Variants in PCBP3 observed in about 807,000 individuals in gnomAD.
The protein encoded by PCBP3 is poly(rC) binding protein 3, also known as poly(rC)-binding protein 3.
In PCBP3, 25 loss-of-function variants were observed where a neutral mutation model predicts 52.7. The ratio of observed to expected loss-of-function variants is 0.47; its 90% CI spans 0.35 to 0.66. The LOEUF (loss-of-function observed/expected upper bound fraction) is 0.66, where lower values mean the gene tolerates loss of function less well. PCBP3 is among the 30% of genes least tolerant of loss of function. The pLI, the probability that PCBP3 is intolerant of heterozygous loss-of-function variation, is 0.01. For missense variants in PCBP3, 391 were observed against 490.3 expected (o/e 0.80, Z 1.91); for synonymous variants, 162 against 183.0 (o/e 0.89, Z 0.93).
chr21:45,665,133 G>T (rs1000774616), intron 1 of PCBP3, among the ~76,000 whole-genome samples: 5 of 152,028 alleles, frequency 3.3e-5, no homozygotes, highest in Non-Finnish European at 7.4e-5. Context: ...GGGGTACAGT[G>T]GTTCATGCCT....
At chr21:45,748,729 G>C (rs1005445110) in intron 3 of PCBP3, among the ~76,000 whole-genome samples, 1 of 152,246 alleles carries the variant, frequency 6.6e-6, no homozygotes, top group Non-Finnish European at 1.5e-5. Context: ...GCGGTGAGCT[G>C]TTGTCATCGT....
At chr21:45,826,549 A>G (rs2093313794) in intron 4 of PCBP3, among the ~76,000 whole-genome samples, 1 of 152,204 alleles carries the variant, frequency 6.6e-6, no homozygotes, top group South Asian at 2.1e-4. Context: ...GGATGGAGTC[A>G]GGGTGCCTTC....
intron 4 of PCBP3, among the ~76,000 whole-genome samples, chr21:45,840,297 A>T (rs939061814): frequency 6.6e-6 from 1 of 151,398 alleles, no homozygotes. Flanking sequence ...CTAAAAAAAA[A>T]TTTTAAAAAA....
At chr21:45,659,088 TA>T (rs148190910) in intron 1 of PCBP3, among the ~76,000 whole-genome samples, 20,288 of 149,304 alleles carry the variant, frequency 0.14, 1,531 homozygotes, top group African/African-American at 0.18. Flanking sequence ...GGTCTTTTTT[TA>T]AAAAAAAAAC....
At chr21:45,743,438 C>G (rs1432283048) in intron 3 of PCBP3, among the ~76,000 whole-genome samples, 3 of 152,126 alleles carry the variant, frequency 2.0e-5, no homozygotes. Flanking sequence ...AAAAAAGTTG[C>G]ATTTCACTAA....
At position 45,724,403 on chromosome 21, in the gene PCBP3, T is replaced by C. The variant is rs2084878473; in HGVS notation, c.-199-10989T>C. 6.6e-6 allele frequency among the ~76,000 whole-genome samples: 1 copy of C among 151,442 alleles called. No homozygotes were observed. Among genetic ancestry groups the C allele is most frequent in the African/African-American group, 2.4e-5 (1 of 41,194 alleles). ...GGTGGTGCATGGGGGCTGCCCACAC[T>C]CCCTGCTGCTTTCTGCTCTCTGCTT... is the stretch of plus-strand genomic sequence containing the variant. On this transcript the variant is annotated intron_variant, in intron 2 of 17. Coordinates refer to ENST00000681687, the MANE Select transcript of PCBP3 (RefSeq NM_001384156.1). The surrounding 1 kb of genome is among the most constrained non-coding windows in gnomAD (Gnocchi z 5.3).
chr21:45,866,830 G>A (rs932057224), intron 5 of PCBP3, among the ~76,000 whole-genome samples: 14 of 140,702 alleles, frequency 1.0e-4, no homozygotes, highest in East Asian at 4.9e-4. Context: ...CCCCACCCCC[G>A]TCTGCATGTG....
intron 1 of PCBP3, among the ~76,000 whole-genome samples, chr21:45,666,749 G>A (rs1458368093): frequency 1.4e-5 from 2 of 147,160 alleles, no homozygotes; most frequent in Non-Finnish European, 3.0e-5. Flanking sequence ...TTTTTTTTTA[G>A]ATGGGGTCTT....
intron 4 of PCBP3, among the ~76,000 whole-genome samples, chr21:45,809,697 C>T (rs1218338782): frequency 6.6e-6 from 1 of 152,222 alleles, no homozygotes; most frequent in African/African-American, 2.4e-5. Context: ...TGCTGCGATC[C>T]GGGTCGGGGC....
In PCBP3 at chr21:45,788,686, A is replaced by G. The variant is rs1264395897; in HGVS notation, c.-126+33234A>G. On this transcript the variant is annotated intron_variant, in intron 4 of 17. Coordinates refer to ENST00000681687, the MANE Select transcript of PCBP3 (RefSeq NM_001384156.1). The surrounding 1 kb of genome is among the most constrained non-coding windows in gnomAD (Gnocchi z 4.3). ...CCGCCACGAGGGCCCCTCAGAGACG[A>G]TGCTAACGGCCTCTCAGATGCTGAC... 1 of 152,208 alleles carries G rather than the reference A, an allele frequency of 6.6e-6. No individual in the cohort carries two copies. The highest frequency in any genetic ancestry group is 1.5e-5 in the Non-Finnish European group (1 of 68,056). 9.4% of individuals were successfully genotyped at this position (152,208 alleles called of 1,614,324 possible).
intron 4 of PCBP3, among the ~76,000 whole-genome samples, chr21:45,781,524 A>G (rs1328765672): frequency 6.6e-6 from 1 of 152,218 alleles, no homozygotes; most frequent in Non-Finnish European, 1.5e-5. Flanking sequence ...CATCTTTCAT[A>G]TACTGTTGGT....
intron 4 of PCBP3, among the ~76,000 whole-genome samples, chr21:45,846,879 A>C (rs767481122): frequency 6.6e-6 from 1 of 152,170 alleles, no homozygotes; most frequent in African/African-American, 2.4e-5. Context: ...AGCCTTTTCA[A>C]ATCACTTGGC....
chr21:45,707,772 G>C (rs2083550508), intron 2 of PCBP3, among the ~76,000 whole-genome samples: 2 of 152,218 alleles, frequency 1.3e-5, no homozygotes, highest in African/African-American at 2.4e-5. Context: ...TGTGCTGCCT[G>C]CCTGAACTTG....
chr21:45,768,948 C>G (rs1409266695), intron 4 of PCBP3, among the ~76,000 whole-genome samples: 1 of 152,242 alleles, frequency 6.6e-6, no homozygotes, highest in South Asian at 2.1e-4. Context: ...GGCATGATGA[C>G]CGATGGCAGG....
intron 4 of PCBP3, among the ~76,000 whole-genome samples, chr21:45,815,117 G>C (rs1304494281): frequency 3.5e-5 from 3 of 85,022 alleles, no homozygotes; most frequent in Non-Finnish European, 2.4e-5. Context: ...AGTGGTGAGT[G>C]AGTGGTGAGT....
chr21:45,909,748 C>T (rs2096295165), intron 10 of PCBP3, among the ~76,000 whole-genome samples: 1 of 144,270 alleles, frequency 6.9e-6, no homozygotes, highest in Admixed American at 6.9e-5. Context: ...GGCCCACCCA[C>T]TGCCCAGATA....
intron 3 of PCBP3, chr21:45,749,978 T>G (rs1247043823): frequency 6.6e-6 from 1 of 152,264 alleles, no homozygotes; most frequent in Non-Finnish European, 1.5e-5. Flanking sequence ...TTCATGACAT[T>G]GATGTTTTGA....
At chr21:45,924,276 T>C in intron 13 of PCBP3, among the ~76,000 whole-genome samples, 1 of 144,498 alleles carries the variant, frequency 6.9e-6, no homozygotes, top group African/African-American at 2.6e-5. Flanking sequence ...TAAGATCGGG[T>C]GTGCGTGAGG....
At chr21:45,933,217 G>A (rs538120300) in intron 15 of PCBP3, among the ~76,000 whole-genome samples, 301 of 152,222 alleles carry the variant, frequency 2.0e-3, no homozygotes, top group Non-Finnish European at 3.5e-3. Context: ...GTCCTGAGAC[G>A]AATGAACACC....
Sources: allele counts gnomAD v4.1 joint callset (sites outside exome capture counted in the v4.1 genomes callset), GRCh38; gene constraint gnomAD v4.1.1; non-coding constraint Gnocchi (gnomAD v3.1); transcripts MANE v1.5; gene names NCBI Gene and HGNC (gene_info 2026-07-23, HGNC 2026-07-21).